RBMS3: variants seen among roughly 807,000 people sequenced by gnomAD.
RBMS3 encodes the protein RNA binding motif single stranded interacting protein 3.
RBMS3 carries 27 observed loss-of-function variants against 66.8 expected under a neutral mutation model. That is an observed-to-expected ratio of 0.40 (90% CI 0.30 to 0.56). RBMS3 has a LOEUF of 0.56. Ranked by LOEUF, RBMS3 falls within the 20% of genes least tolerant of loss-of-function variation. The pLI is 0.40. For synonymous variants in RBMS3, 188 were observed against 183.0 expected, an observed-to-expected ratio of 1.03 and a Z score of -0.22; for missense variants, 513 against 549.5, an observed-to-expected ratio of 0.93 and a Z score of 0.66.
intron 3 of RBMS3, among the ~76,000 whole-genome samples, chr3:29,568,085 T>G (rs1455527612): frequency 6.6e-6 from 1 of 152,204 alleles, no homozygotes; most frequent in Non-Finnish European, 1.5e-5. Flanking sequence ...GCATAAAATG[T>G]TCACTGGAAT....
At chr3:29,839,187 T>G (rs1425432330) in intron 6 of RBMS3, among the ~76,000 whole-genome samples, 3 of 152,182 alleles carry the variant, frequency 2.0e-5, no homozygotes, top group African/African-American at 7.2e-5. Flanking sequence ...GATGCTGAAA[T>G]GCACAGATTG....
chr3:29,418,869 G>C (rs2040586735), intron 1 of RBMS3, among the ~76,000 whole-genome samples: 1 of 152,072 alleles, frequency 6.6e-6, no homozygotes, highest in Non-Finnish European at 1.5e-5. Context: ...TATTACTAAA[G>C]CAGTTTTCTC....
chr3:29,761,768 G>A (rs905465497), intron 5 of RBMS3, among the ~76,000 whole-genome samples: 1 of 152,088 alleles, frequency 6.6e-6, no homozygotes, highest in African/African-American at 2.4e-5. Flanking sequence ...GAGTTGATGG[G>A]CACCATTCCA....
At chr3:29,698,189 T>C (rs1056085048) in intron 4 of RBMS3, 4 of 982,098 alleles carry the variant, frequency 4.1e-6, no homozygotes, top group Non-Finnish European at 4.8e-6. Flanking sequence ...ATTCTATTTA[T>C]AGCCACAGGA....
chr3:29,885,284 G>A (rs563573397), intron 8 of RBMS3, among the ~76,000 whole-genome samples: 2 of 151,822 alleles, frequency 1.3e-5, no homozygotes, highest in South Asian at 4.2e-4. Context: ...TTTGTCCTTG[G>A]GTTGATTAAA....
chr3:29,837,996 C>T (rs922453669), intron 6 of RBMS3, among the ~76,000 whole-genome samples: 1 of 150,796 alleles, frequency 6.6e-6, no homozygotes, highest in African/African-American at 2.4e-5. Context: ...CTAATTATTC[C>T]TTCTGAATAT....
chr3:29,650,366 A>T (rs2050102383), intron 4 of RBMS3, among the ~76,000 whole-genome samples: 1 of 150,940 alleles, frequency 6.6e-6, no homozygotes, highest in African/African-American at 2.4e-5. Context: ...TCACAACTCA[A>T]TACAGCCTCA....
intron 6 of RBMS3, among the ~76,000 whole-genome samples, chr3:29,770,259 G>C (rs1268177612): frequency 2.0e-5 from 3 of 151,894 alleles, no homozygotes; most frequent in Non-Finnish European, 2.9e-5. Context: ...AAACAAAAAA[G>C]AGAATTTCCA....
intron 4 of RBMS3, among the ~76,000 whole-genome samples, chr3:29,622,423 G>C (rs936027922): frequency 6.6e-6 from 1 of 152,072 alleles, no homozygotes; most frequent in African/African-American, 2.4e-5. Context: ...GTGTGCATGG[G>C]CAATTAGTTT....
At chr3:29,465,076 A>G (rs1194958809) in intron 2 of RBMS3, among the ~76,000 whole-genome samples, 1 of 152,196 alleles carries the variant, frequency 6.6e-6, no homozygotes, top group Non-Finnish European at 1.5e-5. Context: ...AACAATAAAG[A>G]CATTAATTTA....
At position 29,763,009 on chromosome 3, in the gene RBMS3, G is replaced by A; in HGVS notation, c.637+20G>A. On this transcript the variant is annotated intron_variant, in intron 6 of 14. Transcript: ENST00000383767. Reference sequence around the variant, plus strand: ...TCCCAGGTAAGAAATTCACTAATAAGTGACTGAATGATGCCGAGGCTTAAA... The same window carrying A: ...TCCCAGGTAAGAAATTCACTAATAAATGACTGAATGATGCCGAGGCTTAAA... The A allele has an allele frequency of 1.3e-6, 2 of 1,514,288 alleles. No homozygotes were observed. The highest frequency in any genetic ancestry group is 1.8e-6 in the Non-Finnish European group (2 of 1,095,378). The allele number at this position is 1,514,288 out of a possible 1,614,324, so 93.8% of individuals were successfully genotyped here.
intron 4 of RBMS3, among the ~76,000 whole-genome samples, chr3:29,652,614 CT>C (rs2050185526): frequency 6.6e-6 from 1 of 151,968 alleles, no homozygotes; most frequent in African/African-American, 2.4e-5. Context: ...AAGAAATTTC[CT>C]TTTGGAAGTT....
intron 6 of RBMS3, among the ~76,000 whole-genome samples, chr3:29,853,323 A>G (rs189261391): frequency 3.7e-4 from 56 of 152,284 alleles, no homozygotes; most frequent in Non-Finnish European, 6.5e-4. Context: ...AATTAAATTT[A>G]AAAAACTTAA....
intron 1 of RBMS3, among the ~76,000 whole-genome samples, chr3:29,331,186 C>G (rs1002843904): frequency 6.6e-6 from 1 of 152,100 alleles, no homozygotes; most frequent in Non-Finnish European, 1.5e-5. Flanking sequence ...ACCCATATCT[C>G]TCTGAATACC....
At chr3:29,704,741 T>C (rs909967000) in intron 4 of RBMS3, among the ~76,000 whole-genome samples, 1 of 152,246 alleles carries the variant, frequency 6.6e-6, no homozygotes, top group African/African-American at 2.4e-5. Flanking sequence ...ATTTCAGACT[T>C]TCTGATTGAA....
intron 3 of RBMS3, among the ~76,000 whole-genome samples, chr3:29,528,996 G>A (rs561976618): frequency 6.6e-6 from 1 of 152,038 alleles, no homozygotes; most frequent in Non-Finnish European, 1.5e-5. Flanking sequence ...CACCCACCTT[G>A]GCCTCCCAAA....
intron 1 of RBMS3, among the ~76,000 whole-genome samples, chr3:29,362,041 C>T (rs540563748): frequency 6.6e-6 from 1 of 152,310 alleles, no homozygotes; most frequent in South Asian, 2.1e-4. Flanking sequence ...GCCTTCTTCT[C>T]TCAACTTGTC....
At chr3:29,435,092 G>A in intron 2 of RBMS3, 177 bp downstream of exon 2, 1 of 676,750 alleles carries the variant, frequency 1.5e-6, no homozygotes, top group Non-Finnish European at 2.4e-6. Context: ...AGTGGAATTG[G>A]TTTACTTTTT....
chr3:29,359,965 C>T (rs1261349134), intron 1 of RBMS3, among the ~76,000 whole-genome samples: 2 of 152,024 alleles, frequency 1.3e-5, no homozygotes, highest in Non-Finnish European at 2.9e-5. Context: ...TGCTAGCAGT[C>T]TGTCAATTTT....
Sources: allele counts gnomAD v4.1 joint callset (sites outside exome capture counted in the v4.1 genomes callset), GRCh38; gene constraint gnomAD v4.1.1; transcripts MANE v1.5; gene names NCBI Gene and HGNC (gene_info 2026-07-23, HGNC 2026-07-21).